Variants in RARA observed in about 807,000 individuals in gnomAD.
The protein encoded by RARA is PML-DDX5-RARA fusion.
A neutral mutation model predicts 42.8 loss-of-function variants in RARA; 5 were observed. The ratio of observed to expected loss-of-function variants is 0.12; its 90% confidence interval spans 0.06 to 0.25. The LOEUF (loss-of-function observed/expected upper bound fraction) is 0.25. RARA is among the 10% of genes least tolerant of loss of function. The pLI, the probability that RARA is intolerant of heterozygous loss-of-function variation, is 1.00. For missense variants in RARA, 402 were observed against 628.7 expected (o/e 0.64, Z 3.86); for synonymous variants, 256 against 259.5 (o/e 0.99, Z 0.13).
chr17:40,322,650 C>T (rs1185646597), intron 1 of RARA, among the ~76,000 whole-genome samples: 3 of 152,004 alleles, frequency 2.0e-5, no homozygotes, highest in Non-Finnish European at 4.4e-5. Context: ...ACCTTCAGCC[C>T]AGGAATCGAG....
At position 40,315,171 on chromosome 17, in the gene RARA, T is replaced by TACAC. The variant is rs71355449; in HGVS notation, c.-363+5906_-363+5909dup. 8.4e-4 allele frequency among the ~76,000 whole-genome samples: 64 copies of TACAC among 76,550 alleles called. 2 individuals carry two copies. The highest frequency in any genetic ancestry group is 2.3e-3 in the East Asian group (6 of 2,560). 50.2% of individuals were successfully genotyped at this position (76,550 alleles called of 152,430 possible). A position where few individuals can be genotyped will look rare whatever the true frequency, so the allele number is the denominator to read the frequency against. The stretch of plus-strand genomic sequence containing the variant: ...ATATATATATATATATATATATATA[T>TACAC]ACACACACACACACACACACACACG... On this transcript the variant is annotated intron_variant, in intron 1 of 8. Transcript: ENST00000254066.
chr17:40,335,613 C>T (rs2033821213), intron 2 of RARA, among the ~76,000 whole-genome samples: 1 of 151,940 alleles, frequency 6.6e-6, no homozygotes, highest in South Asian at 2.1e-4. Context: ...TCGCTTGAAC[C>T]CAGGAGGCAG....
At position 40,331,258 on chromosome 17, in the gene RARA, G is replaced by A. The variant is rs1567751372; in HGVS notation, c.40G>A (p.Gly14Arg). The change falls in exon 2 of 9, where the codon GGG becomes AGG. Residue 14 changes from glycine (G) to arginine (R), a missense_variant. Coordinates refer to ENST00000254066, the MANE Select transcript of RARA (RefSeq NM_000964.4). The part of the protein sequence containing the change: ...NSSSCPTPGG[G>R]HLNGYPVPPY... ...CAGCTCCTGCCCGACACCTGGGGGC[G>A]GGCACCTCAATGGGTACCCGGTGCC... 3 of 1,613,336 alleles carry A rather than the reference G, an allele frequency of 1.9e-6. No homozygotes were observed. Among genetic ancestry groups the A allele is most frequent in the African/African-American group, 1.3e-5 (1 of 75,000 alleles).
At chr17:40,342,388 C>T in intron 2 of RARA, 25 of 1,122,036 alleles carry the variant, frequency 2.2e-5, no homozygotes, top group Non-Finnish European at 2.7e-5. Context: ...CCTCGGACGC[C>T]ACGAGACTCT....
At chr17:40,332,401 G>A (rs2033722078) in intron 2 of RARA, among the ~76,000 whole-genome samples, 1 of 152,166 alleles carries the variant, frequency 6.6e-6, no homozygotes, top group South Asian at 2.1e-4. Flanking sequence ...ACCTTGCCCT[G>A]TGCACCCACC....
In RARA at chr17:40,354,542, G is replaced by T. The variant is rs2143530088; in HGVS notation, c.1012+36G>T. The T allele has an allele frequency of 2.1e-6, 3 of 1,401,610 alleles. No homozygotes were observed. Among genetic ancestry groups the T allele is most frequent in the Non-Finnish European group, 3.0e-6 (3 of 1,001,388 alleles). 86.8% of individuals were successfully genotyped at this position (1,401,610 alleles called of 1,614,324 possible). Reference sequence around the variant, plus strand: ...GGCCTGGGTCTGGGGGCTGGGCTGGGACGGGGGTGCAGCCCTGGAGTCTCT... The same window carrying T: ...GGCCTGGGTCTGGGGGCTGGGCTGGTACGGGGGTGCAGCCCTGGAGTCTCT... On this transcript the variant is annotated intron_variant, in intron 7 of 8. Coordinates refer to ENST00000254066, the MANE Select transcript of RARA (RefSeq NM_000964.4). The surrounding 1 kb of genome is among the most constrained non-coding windows in gnomAD (Gnocchi z 4.5).
At chr17:40,317,608 G>T (rs1003561861) in intron 1 of RARA, among the ~76,000 whole-genome samples, 50 of 152,198 alleles carry the variant, frequency 3.3e-4, no homozygotes, top group African/African-American at 1.1e-3. Context: ...GGGAGGGTTG[G>T]GTTGAGCCAG....
intron 1 of RARA, 101 bp from the exon 2 acceptor site, chr17:40,330,756 C>G (rs912880599): frequency 9.7e-6 from 2 of 206,082 alleles, no homozygotes; most frequent in African/African-American, 4.6e-5. Flanking sequence ...CAGCTGGGTG[C>G]CACGGGAAAA....
At chr17:40,319,072 G>A (rs2033294954) in intron 1 of RARA, among the ~76,000 whole-genome samples, 1 of 152,190 alleles carries the variant, frequency 6.6e-6, no homozygotes. Context: ...AGACGGAATA[G>A]ACTGACTTGT....
chr17:40,310,594 C>T (rs1207093710), intron 1 of RARA, among the ~76,000 whole-genome samples: 1 of 152,104 alleles, frequency 6.6e-6, no homozygotes, highest in African/African-American at 2.4e-5. Flanking sequence ...CTTCAGACTT[C>T]GTTCTGGTCT....
chr17:40,351,285 C>T lies in RARA; in HGVS notation c.470-625C>T, dbSNP rs2034437584. The T allele has an allele frequency of 5.0e-6, 1 of 198,442 alleles. No individual in the cohort carries two copies. Among genetic ancestry groups the T allele is most frequent in the Non-Finnish European group, 1.1e-5 (1 of 89,934 alleles). 12.3% of individuals were successfully genotyped at this position (198,442 alleles called of 1,614,324 possible). ...CTCCCGCGTCAGCAGCCACCACCAC[C>T]AGCCCTGTGAGTGATTGTGTGTCTG... On this transcript the variant is annotated intron_variant, in intron 4 of 8. Coordinates refer to ENST00000254066, the MANE Select transcript of RARA (RefSeq NM_000964.4). This position sits in a 1 kb window ranked among gnomAD's most constrained non-coding sequence, Gnocchi z 4.1.
rs1239816973 is a variant in RARA at position 40,356,581 on chromosome 17, C to T, written c.*355C>T. ...ACCAGCAAACGCCAGGACTTGGCTC[C>T]CCCATCCTCAGAACTCACAAGCCAT... On this transcript the variant is annotated 3_prime_UTR_variant, in exon 9 of 9. Coordinates refer to ENST00000254066, the MANE Select transcript of RARA (RefSeq NM_000964.4). The T allele has an allele frequency of 1.7e-6, 1 of 571,918 alleles. No individual in the cohort carries two copies. Among genetic ancestry groups the T allele is most frequent in the East Asian group, 3.7e-5 (1 of 27,060 alleles). 35.4% of individuals were successfully genotyped at this position (571,918 alleles called of 1,614,324 possible). A position where few individuals can be genotyped will look rare whatever the true frequency, so the allele number is the denominator to read the frequency against.
chr17:40,311,023 A>G (rs1420338345), intron 1 of RARA, among the ~76,000 whole-genome samples: 1 of 152,142 alleles, frequency 6.6e-6, no homozygotes, highest in African/African-American at 2.4e-5. Flanking sequence ...CACAGAGTAC[A>G]GATCTCTCCA....
Position 40,357,496 on chromosome 17 carries a change from C to G in RARA, c.*1270C>G, listed in dbSNP as rs1328734663. On this transcript the variant is annotated 3_prime_UTR_variant, in exon 9 of 9. Coordinates refer to ENST00000254066, the MANE Select transcript of RARA (RefSeq NM_000964.4). Reference sequence around the variant, plus strand: ...CCTACAGGGGGGTCTCCCCTCACCCCTGCACCCCCAGCTGGGGGAGCTGGC... The same window carrying G: ...CCTACAGGGGGGTCTCCCCTCACCCGTGCACCCCCAGCTGGGGGAGCTGGC... 1 of 232,606 alleles carries G rather than the reference C, an allele frequency of 4.3e-6. No individual in the cohort carries two copies. The highest frequency in any genetic ancestry group is 8.5e-6 in the Non-Finnish European group (1 of 117,736). 14.4% of individuals were successfully genotyped at this position (232,606 alleles called of 1,614,324 possible). A position where few individuals can be genotyped will look rare whatever the true frequency, so the allele number is the denominator to read the frequency against.
At chr17:40,327,571 T>G (rs2033581312) in intron 1 of RARA, among the ~76,000 whole-genome samples, 1 of 152,190 alleles carries the variant, frequency 6.6e-6, no homozygotes, top group African/African-American at 2.4e-5. Context: ...TGGGGAGCTG[T>G]GTACTGGGGC....
At chr17:40,350,577 CAG>C (rs1215453965) in intron 4 of RARA, 1 of 151,918 alleles carries the variant, frequency 6.6e-6, no homozygotes, top group East Asian at 1.9e-4. Flanking sequence ...TTGATGATGT[CAG>C]AGATAAATGA....
intron 1 of RARA, among the ~76,000 whole-genome samples, chr17:40,319,265 A>G (rs899870497): frequency 6.6e-6 from 1 of 152,082 alleles, no homozygotes; most frequent in Non-Finnish European, 1.5e-5. Context: ...TTGCGAAAGG[A>G]AAGACAGGCC....
rs1288405047 is a variant in RARA at position 40,354,842 on chromosome 17, A to G, written c.1012+336A>G. ...TAACGGTCTCTAGCTCATGAAGTTG[A>G]TGGGAGGATTACGGTGGTAACAGAT... On this transcript the variant is annotated intron_variant, in intron 7 of 8. Coordinates refer to ENST00000254066, the MANE Select transcript of RARA (RefSeq NM_000964.4). This position sits in a 1 kb window ranked among gnomAD's most constrained non-coding sequence, Gnocchi z 4.5. 6.6e-6 allele frequency among the ~76,000 whole-genome samples: 1 copy of G among 152,156 alleles called. No individual in the cohort carries two copies. The highest frequency in any genetic ancestry group is 1.5e-5 in the Non-Finnish European group (1 of 68,026).
At chr17:40,336,072 C>CT (rs895705526) in intron 2 of RARA, among the ~76,000 whole-genome samples, 1 of 152,132 alleles carries the variant, frequency 6.6e-6, no homozygotes, top group Non-Finnish European at 1.5e-5. Flanking sequence ...GAGCATGTTT[C>CT]TTTTTTGTTG....
Sources: gnomAD v4.1 joint callset for allele counts (sites outside exome capture counted in the v4.1 genomes callset) on GRCh38, gnomAD v4.1.1 for gene constraint, Gnocchi (gnomAD v3.1) non-coding constraint, MANE v1.5 for transcripts, NCBI Gene and HGNC (gene_info 2026-07-23, HGNC 2026-07-21) for gene names.